BBS9: variants seen among roughly 807,000 people sequenced by gnomAD.
BBS9 encodes Bardet-Biedl syndrome 9, also known as protein PTHB1.
BBS9 carries 89 observed loss-of-function variants against 117.7 expected under a neutral mutation model. The ratio of observed to expected loss-of-function variants is 0.76; its 90% CI spans 0.64 to 0.90. BBS9 has a LOEUF of 0.90. Among genes scored for constraint, BBS9 ranks in the 40% least tolerant of loss-of-function variants. The pLI is 0.00. For synonymous variants in BBS9, 379 were observed against 370.9 expected, an observed-to-expected ratio of 1.02 and a Z score of -0.25; for missense variants, 982 against 1,042.2, an observed-to-expected ratio of 0.94 and a Z score of 0.80.
At chr7:33,182,517 C>G (rs959466023) in intron 5 of BBS9, among the ~76,000 whole-genome samples, 2 of 152,166 alleles carry the variant, frequency 1.3e-5, no homozygotes, top group African/African-American at 4.8e-5. Context: ...ATTTATCAAA[C>G]CTAATATCTG....
At chr7:33,371,293 A>G (rs1161835779) in intron 17 of BBS9, among the ~76,000 whole-genome samples, 1 of 152,176 alleles carries the variant, frequency 6.6e-6, no homozygotes, top group Non-Finnish European at 1.5e-5. Context: ...CATTTATTAA[A>G]TATAATTCTC....
intron 9 of BBS9, among the ~76,000 whole-genome samples, chr7:33,303,503 A>G (rs1806938218): frequency 7.0e-6 from 1 of 142,000 alleles, no homozygotes; most frequent in South Asian, 2.3e-4. Context: ...TTTTTTTAGT[A>G]TCAACTGAAA....
intron 9 of BBS9, among the ~76,000 whole-genome samples, chr7:33,279,484 T>C (rs1801412707): frequency 6.6e-6 from 1 of 152,248 alleles, no homozygotes; most frequent in Admixed American, 6.5e-5. Context: ...CTTCCTTGGC[T>C]GAATGTGTTG....
intron 19 of BBS9, among the ~76,000 whole-genome samples, chr7:33,404,857 C>G (rs1255533674): frequency 1.3e-5 from 2 of 152,014 alleles, no homozygotes; most frequent in African/African-American, 4.8e-5. Context: ...GCCTAATTGC[C>G]CTGGCCAGAA....
intron 1 of BBS9, among the ~76,000 whole-genome samples, chr7:33,142,690 T>C (rs1791684192): frequency 6.6e-6 from 1 of 152,248 alleles, no homozygotes; most frequent in Non-Finnish European, 1.5e-5. Flanking sequence ...TTTGTCTTTT[T>C]GTGACTGGCT....
chr7:33,521,506 G>C (rs1848589704), intron 20 of BBS9, among the ~76,000 whole-genome samples: 1 of 152,280 alleles, frequency 6.6e-6, no homozygotes, highest in South Asian at 2.1e-4. Context: ...AAGTCCAATA[G>C]ATTGTTTCCA....
At chr7:33,224,538 G>C (rs12534242) in intron 5 of BBS9, among the ~76,000 whole-genome samples, 42,630 of 152,024 alleles carry the variant, frequency 0.28, 6,552 homozygotes, top group Admixed American at 0.41. Flanking sequence ...AATTTTTCTG[G>C]CTTAAAAAAT....
downstream of BBS9, among the ~76,000 whole-genome samples, chr7:33,606,879 A>G (rs1291381974): frequency 6.6e-6 from 1 of 151,962 alleles, no homozygotes. Context: ...ATTTTGCTTC[A>G]ACATTTAGTG....
At chr7:33,153,325 G>A (rs962880794) in intron 3 of BBS9, among the ~76,000 whole-genome samples, 1 of 152,122 alleles carries the variant, frequency 6.6e-6, no homozygotes, top group Non-Finnish European at 1.5e-5. Context: ...CCCTACAAGA[G>A]CTTTGTTTCA....
At chr7:33,525,839 A>C (rs948800467) in intron 20 of BBS9, among the ~76,000 whole-genome samples, 3 of 146,098 alleles carry the variant, frequency 2.1e-5, no homozygotes, top group African/African-American at 7.7e-5. Flanking sequence ...GTTTCTTCCT[A>C]GTCTCGATGG....
chr7:33,632,495 C>T (rs1370834709), intron 21 of BBS9, among the ~76,000 whole-genome samples: 1 of 152,244 alleles, frequency 6.6e-6, no homozygotes, highest in Non-Finnish European at 1.5e-5. Flanking sequence ...CGCCCTCGCC[C>T]CGCTCGCGGC....
At chr7:33,397,430 G>C (rs1001330349) in intron 19 of BBS9, among the ~76,000 whole-genome samples, 1 of 152,022 alleles carries the variant, frequency 6.6e-6, no homozygotes, top group Non-Finnish European at 1.5e-5. Context: ...AAGACCTAGA[G>C]GCAGAAATAC....
At chr7:33,199,839 T>A (rs1487149144) in intron 5 of BBS9, among the ~76,000 whole-genome samples, 1 of 151,936 alleles carries the variant, frequency 6.6e-6, no homozygotes, top group Non-Finnish European at 1.5e-5. Context: ...TATATTGTTA[T>A]ACATTTAAAA....
At chr7:33,473,341 C>T (rs1307606195) in intron 19 of BBS9, among the ~76,000 whole-genome samples, 4 of 150,544 alleles carry the variant, frequency 2.7e-5, no homozygotes, top group Non-Finnish European at 4.4e-5. Context: ...CCCCCCGCCC[C>T]GAGGCAGAGT....
At chr7:33,335,695 G>A (rs1319376114) in intron 9 of BBS9, among the ~76,000 whole-genome samples, 4 of 152,132 alleles carry the variant, frequency 2.6e-5, no homozygotes, top group Admixed American at 2.0e-4. Context: ...AGAAGGAAGA[G>A]TGAAAGAATG....
rs568791462 is a variant in BBS9 at position 33,507,226 on chromosome 7, TTTTG to T, written c.2298+1601_2298+1604del. Among the ~76,000 whole-genome samples, 49 of 152,240 alleles carry T rather than the reference TTTTG, an allele frequency of 3.2e-4. 1 individual carries two copies. The highest frequency in any genetic ancestry group is 8.5e-4 in the Admixed American group (13 of 15,286). ...CACTAAAGTTATGCAAGATCAGTTTTTTTGTTTGTTTGTTTGTTTGTTTTTTCGT... is the reference window on the plus strand; with the variant it reads ...CACTAAAGTTATGCAAGATCAGTTTTTTTGTTTGTTTGTTTGTTTTTTCGT... On this transcript the variant is annotated intron_variant, in intron 20 of 22. Coordinates refer to ENST00000242067, the MANE Select transcript of BBS9 (RefSeq NM_198428.3).
chr7:33,519,078 A>G (rs561077971), intron 20 of BBS9, among the ~76,000 whole-genome samples: 61 of 152,162 alleles, frequency 4.0e-4, no homozygotes, highest in Admixed American at 2.6e-4. Flanking sequence ...AAAGTAATTA[A>G]AGAGAGGAGA....
At chr7:33,232,412 G>A (rs1299970918) in intron 5 of BBS9, among the ~76,000 whole-genome samples, 1 of 152,086 alleles carries the variant, frequency 6.6e-6, no homozygotes, top group Non-Finnish European at 1.5e-5. Flanking sequence ...GTCAAGTACT[G>A]TTGAAAAATG....
At chr7:33,589,749 T>C (rs1861548140) in intron 21 of BBS9, among the ~76,000 whole-genome samples, 1 of 151,874 alleles carries the variant, frequency 6.6e-6, no homozygotes, top group Admixed American at 6.6e-5. Context: ...GAGATCTAAG[T>C]GGAGATATTA....
Sources: gnomAD v4.1 joint callset for allele counts (sites outside exome capture counted in the v4.1 genomes callset) on GRCh38, gnomAD v4.1.1 for gene constraint, MANE v1.5 for transcripts, NCBI Gene and HGNC (gene_info 2026-07-23, HGNC 2026-07-21) for gene names.